The following FRMD1 variants were observed in gnomAD, a reference collection of about 807,000 sequenced individuals.
FRMD1 encodes the protein FERM domain-containing protein 1.
A neutral mutation model predicts 54.9 loss-of-function variants in FRMD1; 51 were observed. The ratio of observed to expected loss-of-function variants is 0.93; its 90% CI spans 0.74 to 1.17. FRMD1 has a LOEUF of 1.17. FRMD1 is among the 50% of genes most tolerant of loss of function. The pLI, the probability that FRMD1 is intolerant of heterozygous loss-of-function variation, is 0.00. For missense variants in FRMD1, 729 were observed against 743.0 expected (o/e 0.98, Z 0.22); for synonymous variants, 324 against 306.4 (o/e 1.06, Z -0.60).
chr6:168,057,478 C>A, intron 10 of FRMD1, 139 bp from the exon 11 acceptor site: 1 of 1,307,264 alleles, frequency 7.6e-7, no homozygotes. Context: ...GGCCGGCCTG[C>A]CCCTGGACGG....
chr6:168,067,758 C>G (rs1362620243), intron 2 of FRMD1, among the ~76,000 whole-genome samples: 1 of 152,242 alleles, frequency 6.6e-6, no homozygotes, highest in Non-Finnish European at 1.5e-5. Flanking sequence ...TATCCCTACC[C>G]TCTTCCTCTG....
chr6:168,067,105 C>A (rs775970071), intron 3 of FRMD1: 6 of 704,450 alleles, frequency 8.5e-6, no homozygotes, highest in Middle Eastern at 2.3e-4. Flanking sequence ...AGTCCCCCTG[C>A]GGACAGCCCC....
upstream of FRMD1, among the ~76,000 whole-genome samples, chr6:168,086,273 C>CGTCCCCAGCATGGACACCCGT (rs1800917226): frequency 2.0e-5 from 3 of 151,168 alleles, no homozygotes; most frequent in Non-Finnish European, 3.0e-5. Flanking sequence ...TGGACACCCG[C>CGTCCCCAGCATGGACACCCGT]GTCCCCAGCA....
upstream of FRMD1, among the ~76,000 whole-genome samples, chr6:168,080,515 G>A (rs1005835492): frequency 2.0e-5 from 3 of 152,166 alleles, no homozygotes; most frequent in Non-Finnish European, 2.9e-5. Context: ...TGCCACTGGC[G>A]CCTGAGCAGC....
chr6:168,076,284 C>G (rs1190719577), intron 1 of FRMD1, among the ~76,000 whole-genome samples: 3 of 152,194 alleles, frequency 2.0e-5, no homozygotes. Flanking sequence ...GGCCATTTTG[C>G]GATTCTTCAT....
In FRMD1 at chr6:168,063,696, G is replaced by A. The variant is rs748495187; in HGVS notation, c.709C>T (p.Arg237Cys). Reference protein sequence around the residue: ...LRHMPTLHRERQGLSPKEAML... With the variant: ...LRHMPTLHRECQGLSPKEAML... ...GCCTCCTTGGGGCTCAGGCCCTGGC[G>A]CTCACGGTGCAGGGTAGGCATGTGC... The change falls in exon 6 of 11, where the codon CGC becomes TGC. Residue 237 changes from arginine (R) to cysteine (C), a missense_variant. By Grantham distance (180) the Arg-to-Cys change is radical (BLOSUM62 -3). Transcript: ENST00000283309. 30 of 1,613,892 alleles carry A rather than the reference G, an allele frequency of 1.9e-5. No homozygotes were observed. In the South Asian group the frequency reaches 2.0e-4, roughly 11 times the overall value.
Position 168,054,170 on chromosome 6 carries a change from C to G in FRMD1, c.*2927G>C, listed in dbSNP as rs964367952. 6.6e-6 allele frequency: 1 copy of G among 152,318 alleles called. No individual in the cohort carries two copies. Among genetic ancestry groups the G allele is most frequent in the Non-Finnish European group, 1.5e-5 (1 of 68,106 alleles). 9.4% of individuals were successfully genotyped at this position (152,318 alleles called of 1,614,324 possible). ...CACCCAGCAGGGAGAGCTGCGCCCT[C>G]AGACCCAGACCCCCGCAGCAGCAAT... On this transcript the variant is annotated 3_prime_UTR_variant, in exon 11 of 11. Transcript: ENST00000283309.
Position 168,067,394 on chromosome 6 carries a change from T to C in FRMD1, c.357A>G (p.Ser119=), listed in dbSNP as rs150186687. Residue 119 remains serine (S), a synonymous_variant, in exon 3 of 11, where the codon TCA becomes TCG. Transcript: ENST00000283309. ...CATTTCTTTCTTTCTTCCAATCTTT[T>C]GAGAAGTACTTGCTGAGCTTTTGCT... is the stretch of plus-strand genomic sequence containing the variant. ...DLEQKLSKYF[S]KDWKKERNEG... The C allele has an allele frequency of 1.2e-5, 19 of 1,605,734 alleles. No homozygotes were observed. The highest frequency in any genetic ancestry group is 6.7e-5 in the East Asian group (3 of 44,840).
chr6:168,059,273 G>A lies in FRMD1; in HGVS notation c.1343-85C>T, dbSNP rs535078988. On this transcript the variant is annotated intron_variant, in intron 9 of 10. Coordinates refer to ENST00000283309, the MANE Select transcript of FRMD1 (RefSeq NM_024919.6). This position sits in a 1 kb window ranked among gnomAD's most constrained non-coding sequence, Gnocchi z 4.4. ...CCAGGGCAGTTCCCTGCACTTCTGG[G>A]GCCCTGGTCTCGGACCGGCATCTCC... 1.7e-6 allele frequency: 2 copies of A among 1,195,738 alleles called. No individual in the cohort carries two copies. Among genetic ancestry groups the A allele is most frequent in the Non-Finnish European group, 2.4e-6 (2 of 845,058 alleles). 74.1% of individuals were successfully genotyped at this position (1,195,738 alleles called of 1,614,324 possible).
At chr6:168,077,773 G>A (rs1800663202) in intron 1 of FRMD1, among the ~76,000 whole-genome samples, 1 of 152,224 alleles carries the variant, frequency 6.6e-6, no homozygotes, top group Non-Finnish European at 1.5e-5. Flanking sequence ...CAGCTCTTAT[G>A]GGGTAGGGGG....
intron 4 of FRMD1, chr6:168,065,745 A>G (rs373424900): frequency 1.0e-6 from 1 of 989,834 alleles, no homozygotes; most frequent in South Asian, 4.7e-5. Context: ...TTCACTCTCC[A>G]GAACCCTCCC....
chr6:168,086,336 C>T (rs941702520), upstream of FRMD1, among the ~76,000 whole-genome samples: 13 of 151,060 alleles, frequency 8.6e-5, no homozygotes, highest in Admixed American at 4.6e-4. Flanking sequence ...TGTGGACACC[C>T]GTGTGGACAC....
intron 1 of FRMD1, among the ~76,000 whole-genome samples, chr6:168,092,640 C>T (rs1274944355): frequency 6.6e-6 from 1 of 152,178 alleles, no homozygotes; most frequent in African/African-American, 2.4e-5. Context: ...AGGAAGCGGC[C>T]CTCACCACAC....
In FRMD1 at chr6:168,060,864, C is replaced by T. The variant is rs765399199; in HGVS notation, c.1239G>A (p.Met413Ile). Residue 413 changes from methionine to isoleucine, a missense_variant, in exon 9 of 11, where the codon ATG becomes ATA. By Grantham distance (10) the Met-to-Ile change is conservative. Transcript: ENST00000283309. ...ANSWLRESRE[M>I]SVDVPLEVHG... The stretch of plus-strand genomic sequence containing the variant: ...GGACCTCCAAGGGCACGTCCACAGA[C>T]ATCTCTCTGGATTCCCTGAGCCAGG... The T allele has an allele frequency of 6.2e-7, 1 of 1,613,808 alleles. No individual in the cohort carries two copies. Among genetic ancestry groups the T allele is most frequent in the Non-Finnish European group, 8.5e-7 (1 of 1,180,030 alleles).
chr6:168,076,320 T>TC (rs920278660), intron 1 of FRMD1, among the ~76,000 whole-genome samples: 2 of 152,242 alleles, frequency 1.3e-5, no homozygotes, highest in African/African-American at 4.8e-5. Flanking sequence ...CAAATGAGTA[T>TC]CCAGCTTACT....
At chr6:168,060,700 G>A (rs926440434) in intron 9 of FRMD1, 61 bp downstream of exon 9, 8 of 1,534,320 alleles carry the variant, frequency 5.2e-6, no homozygotes, top group Admixed American at 1.8e-5. Flanking sequence ...GGTCAGCCAA[G>A]CTGGGGCTGG....
chr6:168,066,413 G>C, intron 4 of FRMD1: 1 of 527,852 alleles, frequency 1.9e-6, no homozygotes, highest in Non-Finnish European at 2.5e-6. Flanking sequence ...CAGAAGAATC[G>C]CTTGAACCCA....
At chr6:168,078,786 GGCC>G in intron 1 of FRMD1, 93 bp downstream of exon 1, 4 of 80,232 alleles carry the variant, frequency 5.0e-5, no homozygotes, top group Non-Finnish European at 5.6e-5. Context: ...TCACCCCCAC[GGCC>G]ACCCAGGGCC....
chr6:168,085,202 G>A (rs1800897629), upstream of FRMD1, among the ~76,000 whole-genome samples: 1 of 152,242 alleles, frequency 6.6e-6, no homozygotes, highest in South Asian at 2.1e-4. Context: ...GGATCCTAGA[G>A]AACTAGAAAG....
Sources: gnomAD v4.1 joint callset for allele counts (sites outside exome capture counted in the v4.1 genomes callset) on GRCh38, gnomAD v4.1.1 for gene constraint, Gnocchi (gnomAD v3.1) non-coding constraint, MANE v1.5 for transcripts, NCBI Gene and HGNC (gene_info 2026-07-23, HGNC 2026-07-21) for gene names.